Variants in VPS53 observed in about 807,000 individuals in gnomAD.
VPS53 encodes the protein vacuolar protein sorting-associated protein 53 homolog.
A neutral mutation model predicts 107.0 loss-of-function variants in VPS53; 70 were observed. The observed-to-expected ratio is 0.65, with a 90% CI of 0.54 to 0.80. VPS53 has a LOEUF of 0.80. Among genes scored for constraint, VPS53 ranks in the 30% least tolerant of loss-of-function variants. The pLI, the probability that VPS53 is intolerant of heterozygous loss-of-function variation, is 0.00. For missense variants in VPS53, 917 were observed against 1,049.4 expected (o/e 0.87, Z 1.74); for synonymous variants, 409 against 393.3 (o/e 1.04, Z -0.47).
chr17:555,521 AC>A (rs1431192095), intron 15 of VPS53, among the ~76,000 whole-genome samples: 2 of 151,880 alleles, frequency 1.3e-5, no homozygotes, highest in Admixed American at 6.6e-5. Context: ...TTTAGTAGAG[AC>A]GGGGGTTTTA....
At chr17:596,500 G>GCCCTC (rs775831188) in intron 12 of VPS53, among the ~76,000 whole-genome samples, 4 of 152,120 alleles carry the variant, frequency 2.6e-5, no homozygotes, top group Non-Finnish European at 5.9e-5. Flanking sequence ...GCCCTGCCCT[G>GCCCTC]CCCTCCCCAC....
chr17:698,196 G>C (rs1316394149), intron 3 of VPS53, among the ~76,000 whole-genome samples: 1 of 152,182 alleles, frequency 6.6e-6, no homozygotes, highest in African/African-American at 2.4e-5. Context: ...ACTTTGGGAG[G>C]CCAAGGCAGG....
chr17:591,843 ATATTCTGTTG>A (rs1458623312), intron 12 of VPS53, among the ~76,000 whole-genome samples: 1 of 152,116 alleles, frequency 6.6e-6, no homozygotes, highest in Non-Finnish European at 1.5e-5. Context: ...AAAAAAATGT[ATATTCTGTTG>A]ATTTGGGGTG....
At chr17:548,857 C>T (rs1218185335) in intron 17 of VPS53, among the ~76,000 whole-genome samples, 1 of 152,246 alleles carries the variant, frequency 6.6e-6, no homozygotes, top group Non-Finnish European at 1.5e-5. Flanking sequence ...AACTGCCCTA[C>T]TAATCACAAA....
intron 12 of VPS53, among the ~76,000 whole-genome samples, chr17:599,516 T>C (rs1456285475): frequency 2.0e-5 from 3 of 150,930 alleles, no homozygotes; most frequent in Middle Eastern, 3.4e-3. Context: ...TTAAGGGCGG[T>C]GCAAGATGTG....
intron 13 of VPS53, among the ~76,000 whole-genome samples, chr17:575,024 C>G (rs1377513366): frequency 6.6e-6 from 1 of 152,170 alleles, no homozygotes; most frequent in Non-Finnish European, 1.5e-5. Flanking sequence ...CCCACTGTAC[C>G]TCGGTGTGCC....
intron 4 of VPS53, among the ~76,000 whole-genome samples, chr17:682,330 T>C (rs769165111): frequency 3.9e-4 from 60 of 152,168 alleles, no homozygotes; most frequent in Non-Finnish European, 7.5e-4. Flanking sequence ...GAAAGAGTGC[T>C]GCTCTTACAC....
chr17:561,141 T>C (rs1207034819), intron 14 of VPS53, among the ~76,000 whole-genome samples: 1 of 152,154 alleles, frequency 6.6e-6, no homozygotes. Context: ...AGGGGACTCA[T>C]GTGTGCTTGT....
At chr17:695,296 T>C (rs1275158018) in intron 4 of VPS53, among the ~76,000 whole-genome samples, 1 of 152,158 alleles carries the variant, frequency 6.6e-6, no homozygotes, top group African/African-American at 2.4e-5. Context: ...TTCCTTGGTG[T>C]ATTCAGATAA....
chr17:605,933 A>G (rs1002339557), intron 11 of VPS53, among the ~76,000 whole-genome samples: 16 of 152,094 alleles, frequency 1.1e-4, no homozygotes, highest in African/African-American at 3.6e-4. Context: ...AAGTGATGTG[A>G]TCTAATTTGG....
At position 521,662 on chromosome 17, in the gene VPS53, G is replaced by T. The variant is rs1190510238; in HGVS notation, c.2162C>A (p.Ala721Glu). 6.4e-7 allele frequency: 1 copy of T among 1,551,072 alleles called. No homozygotes were observed. The highest frequency in any genetic ancestry group is 8.7e-7 in the Non-Finnish European group (1 of 1,146,538). Residue 721 changes from alanine (A) to glutamate (E), a missense_variant, in exon 20 of 22, where the codon GCA (alanine) becomes GAA (glutamate). Coordinates refer to ENST00000437048, the MANE Select transcript of VPS53 (RefSeq NM_001128159.3). ...PSISSQVVRK[A>E]PASYTKIVVK... ...AACGATCTTGGTGTAGCTGGCGGGTGCCTTCCTCACCACCTGCGAGCTGAT... is the reference window on the plus strand; with the variant it reads ...AACGATCTTGGTGTAGCTGGCGGGTTCCTTCCTCACCACCTGCGAGCTGAT...
At chr17:693,732 G>A (rs7217716) in intron 4 of VPS53, among the ~76,000 whole-genome samples, 5,518 of 152,156 alleles carry the variant, frequency 0.036, 138 homozygotes, top group East Asian at 0.07. Flanking sequence ...TCCCTAACAT[G>A]ATAATAATAA....
chr17:535,026 A>G (rs1909922655), intron 18 of VPS53, among the ~76,000 whole-genome samples: 1 of 152,158 alleles, frequency 6.6e-6, no homozygotes, highest in Non-Finnish European at 1.5e-5. Flanking sequence ...CTGTGGGGAA[A>G]AAACCAAGCA....
intron 4 of VPS53, among the ~76,000 whole-genome samples, chr17:678,650 A>ATATAT (rs1026339383): frequency 3.5e-5 from 5 of 144,424 alleles, no homozygotes; most frequent in African/African-American, 1.0e-4. Flanking sequence ...ATATATATAT[A>ATATAT]TTTTTTTGAG....
In VPS53 at chr17:701,666, G is replaced by A. The variant is rs144349542; in HGVS notation, c.169-2286C>T. Among the ~76,000 whole-genome samples the A allele has an allele frequency of 4.9e-3, 746 of 152,114 alleles. 6 individuals carry two copies. Among genetic ancestry groups the A allele is most frequent in the African/African-American group, 0.017 (710 of 41,480 alleles). On this transcript the variant is annotated intron_variant, in intron 2 of 21. Coordinates refer to ENST00000437048, the MANE Select transcript of VPS53 (RefSeq NM_001128159.3). ...GCTAGGATTACAGGTATGAGCCACC[G>A]CGCCTGGCCAAGAGGAAAACATTTC...
intron 13 of VPS53, among the ~76,000 whole-genome samples, chr17:564,482 G>A (rs534976748): frequency 6.6e-6 from 1 of 150,456 alleles, no homozygotes. Flanking sequence ...GGAGCTTGCA[G>A]TGAGCTGAGA....
intron 13 of VPS53, among the ~76,000 whole-genome samples, chr17:570,425 C>A (rs1476515450): frequency 6.8e-6 from 1 of 146,982 alleles, no homozygotes; most frequent in African/African-American, 2.5e-5. Flanking sequence ...TTGGGATAAA[C>A]TGGCATTCTG....
intron 11 of VPS53, among the ~76,000 whole-genome samples, chr17:619,567 T>C (rs1216507621): frequency 1.1e-4 from 12 of 109,654 alleles, no homozygotes; most frequent in East Asian, 2.8e-4. Flanking sequence ...ACTACAGGCA[T>C]GCACCACCAC....
At chr17:599,227 G>A (rs201883411) in intron 12 of VPS53, among the ~76,000 whole-genome samples, 6 of 151,484 alleles carry the variant, frequency 4.0e-5, no homozygotes, top group Middle Eastern at 3.4e-3. Context: ...CCCTCTGCCC[G>A]GCCACCACCC....
Sources: allele counts gnomAD v4.1 joint callset (sites outside exome capture counted in the v4.1 genomes callset), GRCh38; gene constraint gnomAD v4.1.1; transcripts MANE v1.5; gene names NCBI Gene and HGNC (gene_info 2026-07-23, HGNC 2026-07-21).